Variants in TRIM16 observed in about 807,000 individuals in gnomAD.
The protein encoded by TRIM16 is tripartite motif containing 16.
A neutral mutation model predicts 50.4 loss-of-function variants in TRIM16; 33 were observed. The observed-to-expected ratio is 0.65, with a 90% CI of 0.50 to 0.88. The LOEUF (loss-of-function observed/expected upper bound fraction) is 0.88, where lower values mean the gene tolerates loss of function less well. Among genes scored for constraint, TRIM16 ranks in the 40% least tolerant of loss-of-function variants. The probability of loss-of-function intolerance (pLI) is 0.00; values close to 1 mark genes in which losing one functional copy is unlikely to be tolerated. For synonymous variants in TRIM16, 229 were observed against 270.7 expected, an observed-to-expected ratio of 0.85 and a Z score of 1.51; for missense variants, 581 against 686.8, an observed-to-expected ratio of 0.85 and a Z score of 1.72.
intron 6 of TRIM16, chr17:15,658,892 G>A (rs746050211): frequency 1.1e-5 from 11 of 984,854 alleles, no homozygotes; most frequent in Admixed American, 6.1e-5. Context: ...AGAAGAAGAT[G>A]GCCTCTTGGA....
chr17:15,657,595 T>A (rs1006954361), intron 6 of TRIM16, among the ~76,000 whole-genome samples: 3 of 152,230 alleles, frequency 2.0e-5, no homozygotes, highest in Non-Finnish European at 2.9e-5. Context: ...TGTCTATAAT[T>A]GTGACTACTC....
intron 11 of TRIM16, among the ~76,000 whole-genome samples, chr17:15,631,230 G>A (rs1440363833): frequency 6.6e-6 from 1 of 152,182 alleles, no homozygotes; most frequent in African/African-American, 2.4e-5. Context: ...ACCTTGGATT[G>A]GACTTTGGGC....
At chr17:15,633,339 T>C (rs1169093021) in intron 9 of TRIM16, among the ~76,000 whole-genome samples, 1 of 150,798 alleles carries the variant, frequency 6.6e-6, no homozygotes, top group African/African-American at 2.4e-5. Flanking sequence ...GATAGAGCCA[T>C]GGAAATCAAA....
chr17:15,679,754 G>A (rs1303999637), intron 4 of TRIM16, among the ~76,000 whole-genome samples: 2 of 152,052 alleles, frequency 1.3e-5, no homozygotes, highest in Non-Finnish European at 2.9e-5. Context: ...TGGCTAACAC[G>A]GTGAAACCCT....
At chr17:15,682,361 A>C (rs1989217146) in intron 3 of TRIM16, among the ~76,000 whole-genome samples, 1 of 152,224 alleles carries the variant, frequency 6.6e-6, no homozygotes, top group Admixed American at 6.5e-5. Flanking sequence ...GGGCTAAGGT[A>C]GAGTTAGGAA....
chr17:15,668,402 C>T (rs1988589743), intron 6 of TRIM16, among the ~76,000 whole-genome samples: 1 of 152,162 alleles, frequency 6.6e-6, no homozygotes, highest in African/African-American at 2.4e-5. Context: ...AAGCAGAAAT[C>T]CAAAGAAAGC....
intron 6 of TRIM16, among the ~76,000 whole-genome samples, chr17:15,661,213 A>C (rs1252438384): frequency 2.0e-5 from 3 of 152,218 alleles, no homozygotes; most frequent in Admixed American, 6.5e-5. Context: ...AACTTACAAC[A>C]ACCTTACAAA....
intron 6 of TRIM16, among the ~76,000 whole-genome samples, chr17:15,665,921 A>G (rs2649445): frequency 6.6e-6 from 1 of 151,598 alleles, no homozygotes; most frequent in Admixed American, 6.6e-5. Flanking sequence ...CTAGATCCCA[A>G]CACAACAAAT....
intron 6 of TRIM16, among the ~76,000 whole-genome samples, chr17:15,658,216 T>C (rs901389464): frequency 6.6e-6 from 1 of 152,206 alleles, no homozygotes; most frequent in African/African-American, 2.4e-5. Context: ...ATATAAGCAA[T>C]GCCTGCCAAC....
intron 6 of TRIM16, among the ~76,000 whole-genome samples, chr17:15,655,762 G>T (rs1224136447): frequency 6.6e-6 from 1 of 152,154 alleles, no homozygotes; most frequent in Non-Finnish European, 1.5e-5. Flanking sequence ...TTTTAGTAGA[G>T]ACGGGGTTTC....
intron 6 of TRIM16, among the ~76,000 whole-genome samples, chr17:15,665,673 GA>G (rs2151412375): frequency 6.6e-6 from 1 of 151,850 alleles, no homozygotes; most frequent in African/African-American, 2.4e-5. Flanking sequence ...TCCTCTGCCT[GA>G]AAAGGTGAGA....
At chr17:15,633,286 A>G (rs962439515) in intron 9 of TRIM16, among the ~76,000 whole-genome samples, 2 of 150,968 alleles carry the variant, frequency 1.3e-5, no homozygotes, top group Non-Finnish European at 3.0e-5. Flanking sequence ...GACCAGGTAC[A>G]GCAGAAAACA....
intron 11 of TRIM16, 69 bp downstream of exon 11, chr17:15,631,550 C>A: frequency 2.8e-6 from 4 of 1,451,146 alleles, no homozygotes; most frequent in Non-Finnish European, 2.9e-6. Flanking sequence ...TGAGAGATGG[C>A]GGTTCTGACT....
In TRIM16 at chr17:15,651,003, C is replaced by T. The variant is rs937431883; in HGVS notation, c.519+88G>A. ...AGGTATGCTCAGAGCATAGTAGTGG[C>T]GTCAGTGGACCTAGCAGCTGCAGCC... On this transcript the variant is annotated intron_variant, in intron 7 of 11. Coordinates refer to ENST00000649191, the MANE Select transcript of TRIM16 (RefSeq NM_001348119.1). The T allele has an allele frequency of 8.6e-6, 13 of 1,516,588 alleles. No homozygotes were observed. The Admixed American group carries it at 1.2e-4, about 14-fold the overall frequency. The allele number at this position is 1,516,588 out of a possible 1,614,324, so 93.9% of individuals were successfully genotyped here.
chr17:15,650,076 A>G lies in TRIM16; in HGVS notation c.519+1015T>C, dbSNP rs575302698. On this transcript the variant is annotated intron_variant, in intron 7 of 11. Coordinates refer to ENST00000649191, the MANE Select transcript of TRIM16 (RefSeq NM_001348119.1). The stretch of plus-strand genomic sequence containing the variant: ...AGGTTTCCAGAACAATCCCACTAGC[A>G]CCAGCTAAAATCTATGTCTAGGGAT... Among the ~76,000 whole-genome samples, 163 of 152,242 alleles carry G rather than the reference A, an allele frequency of 1.1e-3. 1 individual carries two copies. The highest frequency in any genetic ancestry group is 2.5e-4 in the Non-Finnish European group (17 of 68,020).
intron 6 of TRIM16, among the ~76,000 whole-genome samples, chr17:15,665,240 C>T (rs187613569): frequency 1.2e-3 from 187 of 152,272 alleles, no homozygotes; most frequent in Non-Finnish European, 1.9e-3. Flanking sequence ...AGGCCGGGCG[C>T]AGTGGCTCAT....
chr17:15,643,142 C>G, intron 7 of TRIM16: 1 of 1,103,764 alleles, frequency 9.1e-7, no homozygotes, highest in Non-Finnish European at 1.1e-6. Flanking sequence ...AAACCCCCAA[C>G]AATCTGAATG....
At chr17:15,653,699 A>C (rs1052269508) in intron 6 of TRIM16, among the ~76,000 whole-genome samples, 2 of 152,194 alleles carry the variant, frequency 1.3e-5, no homozygotes, top group Admixed American at 6.5e-5. Context: ...TGAGGTATTA[A>C]GGGCAAAGAT....
Position 15,677,712 on chromosome 17 carries a change from G to A in TRIM16, c.-580C>T. Reference sequence around the variant, plus strand: ...AATGACATAAAGCCCTGAAACACCTGCATGGGGTTCTGAAGAAAAAGTTAC... The same window carrying A: ...AATGACATAAAGCCCTGAAACACCTACATGGGGTTCTGAAGAAAAAGTTAC... On this transcript the variant is annotated 5_prime_UTR_variant, in exon 5 of 12. It introduces an in-frame stop codon into an upstream open reading frame of the 5' UTR. Coordinates refer to ENST00000649191, the MANE Select transcript of TRIM16 (RefSeq NM_001348119.1). 7 of 996,214 alleles carry A rather than the reference G, an allele frequency of 7.0e-6. No individual in the cohort carries two copies. Among genetic ancestry groups the A allele is most frequent in the Non-Finnish European group, 8.4e-6 (7 of 834,912 alleles). 61.7% of individuals were successfully genotyped at this position (996,214 alleles called of 1,614,324 possible).
Sources: allele counts gnomAD v4.1 joint callset (sites outside exome capture counted in the v4.1 genomes callset), GRCh38; gene constraint gnomAD v4.1.1; transcripts MANE v1.5; gene names NCBI Gene and HGNC (gene_info 2026-07-23, HGNC 2026-07-21).